SH3TC1: variants seen among roughly 807,000 people sequenced by gnomAD.
SH3TC1 encodes SH3 domain and tetratricopeptide repeats 1.
In SH3TC1, 135 loss-of-function variants were observed where a neutral mutation model predicts 117.3. That is an observed-to-expected ratio of 1.15 (90% CI 1.00 to 1.33). The LOEUF (loss-of-function observed/expected upper bound fraction) is 1.33, where lower values mean the gene tolerates loss of function less well. SH3TC1 is among the 40% of genes most tolerant of loss of function. The pLI, the probability that SH3TC1 is intolerant of heterozygous loss-of-function variation, is 0.00. For synonymous variants in SH3TC1, 898 were observed against 816.9 expected (o/e 1.10, Z -1.69); for missense variants, 2,092 against 1,794.3 (o/e 1.17, Z -3.00).
intron 14 of SH3TC1, among the ~76,000 whole-genome samples, chr4:8,234,440 T>A (rs1721608726): frequency 6.7e-6 from 1 of 148,798 alleles, no homozygotes; most frequent in Non-Finnish European, 1.5e-5. Flanking sequence ...ATCCATACAT[T>A]ATCCACCCAC....
At position 8,228,398 on chromosome 4, in the gene SH3TC1, C is replaced by T. The variant is rs777439792; in HGVS notation, c.2704C>T (p.Gln902Ter). The T allele has an allele frequency of 2.5e-6, 4 of 1,609,756 alleles. No individual in the cohort carries two copies. In the African/African-American group the frequency reaches 5.3e-5, roughly 21 times the overall value. Reference sequence around the variant, plus strand: ...TCGGGACCTGGGCCAGCAAAGGAACCAGGCAGTGGGGCTGGCCAACTTCGG... The same window carrying T: ...TCGGGACCTGGGCCAGCAAAGGAACTAGGCAGTGGGGCTGGCCAACTTCGG... ...VARDLGQQRN[Q>*]AVGLANFGAL... The change falls in exon 12 of 18, where the codon CAG becomes TAG. Residue 902 changes from glutamine (Q) to a stop codon, truncating the protein, a stop_gained. Transcript: ENST00000245105. LOFTEE classifies it high-confidence loss of function.
At chr4:8,237,181 T>TGGCCGCCCTGCAACACCGACTGG in intron 16 of SH3TC1, 1 of 371,382 alleles carries the variant, frequency 2.7e-6, no homozygotes, top group Non-Finnish European at 4.8e-6. Flanking sequence ...GCGCGTGGGC[T>TGGCCGCCCTGCAACACCGACTGG]GCATGCCTTT....
Position 8,205,692 on chromosome 4 carries a change from C to A in SH3TC1, c.172+326C>A, listed in dbSNP as rs760027809. 1.4e-6 allele frequency: 1 copy of A among 727,194 alleles called. No individual in the cohort carries two copies. The highest frequency in any genetic ancestry group is 2.5e-6 in the Non-Finnish European group (1 of 397,544). The allele number at this position is 727,194 out of a possible 1,614,324, so 45.0% of individuals were successfully genotyped here. A position where few individuals can be genotyped will look rare whatever the true frequency, so the allele number is the denominator to read the frequency against. On this transcript the variant is annotated intron_variant, in intron 2 of 17. Transcript: ENST00000245105. This position sits in a 1 kb window ranked among gnomAD's most constrained non-coding sequence, Gnocchi z 5.4. Reference sequence around the variant, plus strand: ...TCCAGAAACAGTCCGATGGGTTTGGCCTTGGAACCCCTGAGAGTCCTCAGG... The same window carrying A: ...TCCAGAAACAGTCCGATGGGTTTGGACTTGGAACCCCTGAGAGTCCTCAGG...
Position 8,227,299 on chromosome 4 carries a change from C to T in SH3TC1, c.1605C>T (p.Asp535=), listed in dbSNP as rs750026686. The change falls in exon 12 of 18, where the codon GAC becomes GAT. Residue 535 remains aspartate (D), a synonymous_variant. Coordinates refer to ENST00000245105, the MANE Select transcript of SH3TC1 (RefSeq NM_018986.5). Reference sequence around the variant, plus strand: ...GCAGCGTGTTCCGCAGCTTCAGCGACGAGGAGGAGCTGACTGGGCGCCTGG... The same window carrying T: ...GCAGCGTGTTCCGCAGCTTCAGCGATGAGGAGGAGCTGACTGGGCGCCTGG... The part of the protein sequence containing the change: ...WLSSVFRSFS[D]EEELTGRLAQ... The T allele has an allele frequency of 2.2e-5, 36 of 1,609,404 alleles. No homozygotes were observed. The Admixed American group carries it at 2.4e-4, about 11-fold the overall frequency.
At chr4:8,216,032 C>T (rs1034632801) in intron 5 of SH3TC1, 79 bp from the exon 6 acceptor site, 66 of 1,547,364 alleles carry the variant, frequency 4.3e-5, no homozygotes, top group Non-Finnish European at 5.3e-5. Context: ...AGGGCTCAGC[C>T]GACCTGGGAC....
chr4:8,223,621 T>C (rs1289648050), intron 10 of SH3TC1, among the ~76,000 whole-genome samples: 7 of 150,692 alleles, frequency 4.6e-5, no homozygotes, highest in African/African-American at 1.7e-4. Flanking sequence ...AATGTGTGGC[T>C]ACACACCCAC....
At position 8,190,680 on chromosome 4, in the gene SH3TC1, G is replaced by A. The variant is rs1304178280; in HGVS notation, c.-57+8470G>A. Among the ~76,000 whole-genome samples the A allele has an allele frequency of 6.6e-5, 10 of 151,894 alleles. No individual in the cohort carries two copies. Among genetic ancestry groups the A allele is most frequent in the Non-Finnish European group, 1.0e-4 (7 of 67,946 alleles). ...TTTGGAGACAGAGCCTGGCTCTGTC[G>A]CCCAGGCTGGAGTGCAGTAGTGTGG... On this transcript the variant is annotated intron_variant, in intron 1 of 16. Coordinates refer to the SH3TC1 transcript ENST00000508641. The surrounding 1 kb of genome is among the most constrained non-coding windows in gnomAD (Gnocchi z 4.7).
chr4:8,201,150 G>A (rs1009761949), intron 1 of SH3TC1, among the ~76,000 whole-genome samples: 3 of 152,152 alleles, frequency 2.0e-5, no homozygotes, highest in Admixed American at 1.3e-4. Context: ...AGAGCCTGGC[G>A]AAAGCTTGGC....
intron 4 of SH3TC1, 88 bp downstream of exon 4, chr4:8,212,916 A>G: frequency 6.9e-7 from 1 of 1,448,922 alleles, no homozygotes; most frequent in Non-Finnish European, 9.2e-7. Context: ...GACTGGGGAC[A>G]CAGGAGGCAG....
At chr4:8,182,400 G>T (rs1461932645) in intron 1 of SH3TC1, among the ~76,000 whole-genome samples, 1 of 152,206 alleles carries the variant, frequency 6.6e-6, no homozygotes, top group Non-Finnish European at 1.5e-5. Context: ...GCCTCGAATG[G>T]GGTTTCAGGC....
In SH3TC1 at chr4:8,205,375, A is replaced by T; in HGVS notation, c.172+9A>T. 2.6e-6 allele frequency: 4 copies of T among 1,543,216 alleles called. No homozygotes were observed. Among genetic ancestry groups the T allele is most frequent in the Non-Finnish European group, 3.5e-6 (4 of 1,144,210 alleles). On this transcript the variant is annotated intron_variant, in intron 2 of 17. Transcript: ENST00000245105. This position sits in a 1 kb window ranked among gnomAD's most constrained non-coding sequence, Gnocchi z 5.4. ...GGCGCCAGTGAGAGGCGGTGAGTTC[A>T]TTCCACCCTCACCACCCGCCCTCCA...
chr4:8,236,122 G>C (rs933207528), intron 15 of SH3TC1, 156 bp from the exon 16 acceptor site: 4 of 954,524 alleles, frequency 4.2e-6, no homozygotes, highest in Non-Finnish European at 5.9e-6. Flanking sequence ...CCTAGCTTGG[G>C]TGTCTGAACC....
At chr4:8,200,286 C>G (rs6833593) in intron 1 of SH3TC1, among the ~76,000 whole-genome samples, 1 of 152,192 alleles carries the variant, frequency 6.6e-6, no homozygotes, top group Non-Finnish European at 1.5e-5. Context: ...AGGCTGGGCC[C>G]GAGTCAGGTC....
chr4:8,235,541 G>A lies in SH3TC1; in HGVS notation c.3391G>A (p.Val1131Met), dbSNP rs555747393. 421 of 1,601,720 alleles carry A rather than the reference G, an allele frequency of 2.6e-4. 4 individuals are homozygous for A. In the South Asian group the frequency reaches 4.5e-3, roughly 17 times the overall value. Residue 1131 changes from valine to methionine, a missense_variant, in exon 15 of 18, where the codon GTG becomes ATG. Transcript: ENST00000245105. Reference protein sequence around the residue: ...FDGAWEREKAVSFYRDRALPL... With the variant: ...FDGAWEREKAMSFYRDRALPL... ...CGGGGCCTGGGAGCGGGAGAAAGCT[G>A]TGTCCTTCTACCGGGTGAGCTGGCC...
chr4:8,237,420 T>G (rs1391841287), intron 16 of SH3TC1, 54 bp from the exon 17 acceptor site: 14 of 1,422,720 alleles, frequency 9.8e-6, no homozygotes, highest in Middle Eastern at 5.1e-4. Context: ...GGGGTCTGCA[T>G]GCCTGCCCCG....
chr4:8,187,497 ATCC>A (rs928150712), intron 1 of SH3TC1, among the ~76,000 whole-genome samples: 4 of 151,040 alleles, frequency 2.6e-5, no homozygotes, highest in African/African-American at 9.8e-5. Context: ...TTACCCAGCT[ATCC>A]CATGACTTAT....
chr4:8,188,863 C>A (rs1430096073), intron 1 of SH3TC1, among the ~76,000 whole-genome samples: 3 of 152,248 alleles, frequency 2.0e-5, no homozygotes, highest in African/African-American at 7.2e-5. Context: ...CACGAGGCAG[C>A]CACCTCCTCC....
intron 12 of SH3TC1, among the ~76,000 whole-genome samples, chr4:8,230,775 A>T (rs1370873131): frequency 3.2e-5 from 4 of 124,668 alleles, no homozygotes; most frequent in African/African-American, 8.7e-5. Context: ...AATTTTTGAT[A>T]TGCTGTGCTT....
At position 8,233,909 on chromosome 4, in the gene SH3TC1, CATCA is replaced by C. The variant is rs201344491; in HGVS notation, c.3282+397_3282+400del. Among the ~76,000 whole-genome samples the C allele has an allele frequency of 4.2e-3, 638 of 151,020 alleles. 3 individuals are homozygous for C. The highest frequency in any genetic ancestry group is 0.013 in the African/African-American group (523 of 41,152). Reference sequence around the variant, plus strand: ...TTCATCCATCCATCATCCATCCATCCATCATTCATCCACTCTTTTGTCATCCATC... The same window carrying C: ...TTCATCCATCCATCATCCATCCATCCTTCATCCACTCTTTTGTCATCCATC... On this transcript the variant is annotated intron_variant, in intron 14 of 17. Transcript: ENST00000245105.
Sources: allele counts gnomAD v4.1 joint callset (sites outside exome capture counted in the v4.1 genomes callset), GRCh38; gene constraint gnomAD v4.1.1; non-coding constraint Gnocchi (gnomAD v3.1); transcripts MANE v1.5; gene names NCBI Gene and HGNC (gene_info 2026-07-23, HGNC 2026-07-21).